The following PDE1C variants were observed in gnomAD, a reference collection of about 807,000 sequenced individuals.
PDE1C encodes the protein phosphodiesterase 1C.
Under a neutral mutation model 93.1 loss-of-function variants are expected in PDE1C, and 62 were observed. The ratio of observed to expected loss-of-function variants is 0.67; its 90% CI spans 0.54 to 0.82. The LOEUF is 0.82. Ranked by LOEUF, PDE1C falls within the 40% of genes least tolerant of loss-of-function variation. The probability of loss-of-function intolerance (pLI) is 0.00; values close to 1 mark genes in which losing one functional copy is unlikely to be tolerated. For missense variants in PDE1C, 742 were observed against 884.6 expected, an observed-to-expected ratio of 0.84 and a Z score of 2.04; for synonymous variants, 325 against 310.1, an observed-to-expected ratio of 1.05 and a Z score of -0.50.
chr7:32,232,331 T>C (rs909505196), intron 1 of PDE1C, among the ~76,000 whole-genome samples: 1 of 152,194 alleles, frequency 6.6e-6, no homozygotes, highest in Non-Finnish European at 1.5e-5. Context: ...AAATCTCCTA[T>C]ATTTTTTTCT....
the PDE1C span, among the ~76,000 whole-genome samples, chr7:31,631,560 G>A: frequency 6.6e-6 from 1 of 152,114 alleles, no homozygotes; most frequent in Non-Finnish European, 1.5e-5. Flanking sequence ...AAAAGCAAGA[G>A]TATTGAGCCA....
At chr7:31,620,468 G>A in the PDE1C span, among the ~76,000 whole-genome samples, 6 of 151,478 alleles carry the variant, frequency 4.0e-5, no homozygotes, top group East Asian at 1.9e-4. Flanking sequence ...TACCTGTTCT[G>A]CAGACACCAC....
At chr7:32,344,129 A>G (rs1019074241) in intron 1 of PDE1C, among the ~76,000 whole-genome samples, 2 of 152,166 alleles carry the variant, frequency 1.3e-5, no homozygotes, top group Non-Finnish European at 2.9e-5. Flanking sequence ...GCTGGAGTGC[A>G]TTAGTGCAAT....
Position 31,897,177 on chromosome 7 carries a change from G to A in PDE1C, c.129-16317C>T, listed in dbSNP as rs190019980. Among the ~76,000 whole-genome samples the A allele has an allele frequency of 7.2e-5, 11 of 152,286 alleles. No individual in the cohort carries two copies. The East Asian group carries it at 1.5e-3, about 21-fold the overall frequency. ...AGGGTTTTATTGCATGGGATTTGGC[G>A]AGTGCTGCTCTGGAGTGCTGTCACA... On this transcript the variant is annotated intron_variant, in intron 2 of 17. Coordinates refer to ENST00000396191, the MANE Select transcript of PDE1C (RefSeq NM_001191057.4).
chr7:31,908,940 G>T (rs2392006), intron 2 of PDE1C, among the ~76,000 whole-genome samples: 84,998 of 152,002 alleles, frequency 0.56, 24,185 homozygotes, highest in East Asian at 0.72. Flanking sequence ...TAACTGAGGC[G>T]TCTCTGAAAA....
intron 1 of PDE1C, among the ~76,000 whole-genome samples, chr7:32,265,299 G>A (rs1223992317): frequency 6.6e-6 from 1 of 152,140 alleles, no homozygotes; most frequent in African/African-American, 2.4e-5. Context: ...GGCTCCAGGG[G>A]TGGCCACCTG....
intron 2 of PDE1C, among the ~76,000 whole-genome samples, chr7:32,022,076 T>G (rs1317768360): frequency 6.6e-6 from 1 of 151,784 alleles, no homozygotes; most frequent in Admixed American, 6.6e-5. Flanking sequence ...TTCTTTCTAC[T>G]CAAAGCCCCT....
chr7:31,630,543 T>C, the PDE1C span, among the ~76,000 whole-genome samples: 1 of 152,154 alleles, frequency 6.6e-6, no homozygotes, highest in African/African-American at 2.4e-5. Context: ...GAATTTCAGC[T>C]CAGCAGAAAA....
the PDE1C span, among the ~76,000 whole-genome samples, chr7:31,670,045 A>G: frequency 6.6e-6 from 1 of 152,158 alleles, no homozygotes; most frequent in Non-Finnish European, 1.5e-5. Flanking sequence ...CAGATGCCCC[A>G]GATATTTCTA....
intron 11 of PDE1C, 107 bp downstream of exon 11, chr7:31,837,073 C>T: frequency 1.7e-6 from 2 of 1,166,812 alleles, no homozygotes; most frequent in Non-Finnish European, 2.4e-6. Context: ...CCTCCCCTCT[C>T]CAAAATTACT....
chr7:32,282,933 T>C (rs576805380), intron 1 of PDE1C, among the ~76,000 whole-genome samples: 5 of 152,326 alleles, frequency 3.3e-5, no homozygotes, highest in African/African-American at 9.6e-5. Flanking sequence ...TAAAATCCCA[T>C]GTTCATAACA....
chr7:32,112,804 A>ATGTGTGTG (rs150245670), intron 3 of PDE1C, among the ~76,000 whole-genome samples: 84 of 66,684 alleles, frequency 1.3e-3, no homozygotes, highest in South Asian at 5.8e-3. Context: ...ATATACATAT[A>ATGTGTGTG]TGTGTGTGTG....
At chr7:31,754,728 C>A (rs777886206) in intron 17 of PDE1C, among the ~76,000 whole-genome samples, 1 of 152,024 alleles carries the variant, frequency 6.6e-6, no homozygotes, top group East Asian at 1.9e-4. Flanking sequence ...GATTGTCAGG[C>A]GTTTGGAAAG....
chr7:31,840,431 C>T lies in PDE1C; in HGVS notation c.981-2460G>A, dbSNP rs879669820. Among the ~76,000 whole-genome samples, 117 of 151,902 alleles carry T rather than the reference C, an allele frequency of 7.7e-4. 2 individuals carry two copies. The highest frequency in any genetic ancestry group is 2.5e-3 in the African/African-American group (105 of 41,452). On this transcript the variant is annotated intron_variant, in intron 9 of 17. Transcript: ENST00000396191. ...AATGTCTTGGCCTGCTTTTTTTTAA[C>T]GGTGTCTTCCAAAGAGCAAAAGGTT...
intron 2 of PDE1C, among the ~76,000 whole-genome samples, chr7:31,965,029 G>C (rs1809684298): frequency 6.6e-6 from 1 of 152,154 alleles, no homozygotes; most frequent in Admixed American, 6.5e-5. Flanking sequence ...AGAAAAACTG[G>C]AAACTCTAAA....
chr7:32,051,615 G>A, intron 1 of PDE1C, 35 bp from the exon 2 acceptor site: 1 of 1,600,704 alleles, frequency 6.2e-7, no homozygotes, highest in South Asian at 1.1e-5. Context: ...ATCAGAAAAG[G>A]GTTGTGGCAG....
chr7:31,811,423 G>A (rs1035027), intron 15 of PDE1C, among the ~76,000 whole-genome samples: 77,399 of 151,908 alleles, frequency 0.51, 22,824 homozygotes, highest in Non-Finnish European at 0.65. Context: ...ACTCTGGCCA[G>A]GGTCCAAACA....
chr7:31,886,280 C>A (rs1401728355), intron 2 of PDE1C, among the ~76,000 whole-genome samples: 1 of 152,190 alleles, frequency 6.6e-6, no homozygotes, highest in South Asian at 2.1e-4. Flanking sequence ...TACCTAAATG[C>A]CATAGGAAAT....
At chr7:31,616,854 C>T in the PDE1C span, among the ~76,000 whole-genome samples, 3 of 151,232 alleles carry the variant, frequency 2.0e-5, no homozygotes, top group Admixed American at 2.0e-4. Flanking sequence ...ATCCAAACCT[C>T]TCTTAACAGA....
Sources: allele counts gnomAD v4.1 joint callset (sites outside exome capture counted in the v4.1 genomes callset), GRCh38; gene constraint gnomAD v4.1.1; transcripts MANE v1.5; gene names NCBI Gene and HGNC (gene_info 2026-07-23, HGNC 2026-07-21).